EDA: variants seen among roughly 807,000 people sequenced by gnomAD.
EDA encodes the protein ectodysplasin-A.
EDA carries 2 observed loss-of-function variants against 23.6 expected under a neutral mutation model. The observed-to-expected ratio is 0.08, with a 90% CI of 0.03 to 0.27. The LOEUF (loss-of-function observed/expected upper bound fraction) is 0.27. EDA is among the 10% of genes least tolerant of loss of function. EDA has a pLI of 1.00. For synonymous variants in EDA, 131 were observed against 132.0 expected (o/e 0.99, Z 0.05); for missense variants, 229 against 324.2 (o/e 0.71, Z 2.26).
intron 3 of EDA, among the ~76,000 whole-genome samples, chrX:70,023,581 T>C (rs112736374): frequency 0.17 from 17,345 of 103,373 alleles, 1,568 homozygotes; most frequent in Middle Eastern, 0.32. Context: ...CCTCCACCTT[T>C]GGGGTTCAAG....
chrX:69,808,829 G>A (rs2015874474), intron 1 of EDA, among the ~76,000 whole-genome samples: 1 of 112,068 alleles, frequency 8.9e-6, no homozygotes, highest in African/African-American at 3.2e-5. Flanking sequence ...ATTGAGTGGA[G>A]TCAATATTAT....
chrX:69,929,762 A>C (rs1334933669), intron 1 of EDA, among the ~76,000 whole-genome samples: 6 of 97,820 alleles, frequency 6.1e-5, no homozygotes, highest in Admixed American at 1.2e-4. Flanking sequence ...GTGATGTATA[A>C]TGCAAAATTC....
chrX:69,863,042 G>A (rs753625410), intron 1 of EDA, among the ~76,000 whole-genome samples: 3 of 92,994 alleles, frequency 3.2e-5, no homozygotes, highest in Non-Finnish European at 4.2e-5. Flanking sequence ...TTTATTTTCT[G>A]AAAAAAAAAA....
intron 1 of EDA, among the ~76,000 whole-genome samples, chrX:69,661,301 C>G (rs1225945581): frequency 6.4e-5 from 6 of 93,606 alleles, no homozygotes; most frequent in East Asian, 3.5e-4. Context: ...TAGGTTGCCT[C>G]TTCACTCTGA....
chrX:70,025,458 G>A (rs2020094915), intron 3 of EDA, among the ~76,000 whole-genome samples: 1 of 111,134 alleles, frequency 9.0e-6, no homozygotes, highest in Non-Finnish European at 1.9e-5. Flanking sequence ...ACTGCAAGGG[G>A]TAAGCCACCC....
Position 69,976,352 on chromosome X carries a change from T to C in EDA, c.502+19220T>C, listed in dbSNP as rs146728853. On this transcript the variant is annotated intron_variant, in intron 2 of 7. Coordinates refer to ENST00000374552, the MANE Select transcript of EDA (RefSeq NM_001399.5). ...ACGGAAGATCATGGCTCAATGTTTG[T>C]GCCAAGCAGAGAACTAAAGTAGTGG... 8.1e-3 allele frequency among the ~76,000 whole-genome samples: 902 copies of C among 111,452 alleles called. 8 individuals carry two copies. Among genetic ancestry groups the C allele is most frequent in the African/African-American group, 0.028 (866 of 30,681 alleles).
At chrX:69,664,977 T>C (rs895731750) in intron 1 of EDA, among the ~76,000 whole-genome samples, 1 of 112,131 alleles carries the variant, frequency 8.9e-6, no homozygotes, top group African/African-American at 3.2e-5. Context: ...AACATTGTTA[T>C]CTTTTGACTT....
intron 1 of EDA, among the ~76,000 whole-genome samples, chrX:69,883,786 A>G (rs1405606665): frequency 1.8e-5 from 2 of 111,698 alleles, no homozygotes; most frequent in African/African-American, 3.3e-5. Flanking sequence ...TTGATCAACT[A>G]AGTAGTCTTA....
At chrX:69,981,177 T>G (rs755195020) in intron 2 of EDA, among the ~76,000 whole-genome samples, 1 of 111,639 alleles carries the variant, frequency 9.0e-6, no homozygotes, top group Non-Finnish European at 1.9e-5. Context: ...TCATCTCTCT[T>G]TACCGCTAGA....
intron 1 of EDA, among the ~76,000 whole-genome samples, chrX:69,630,467 T>C (rs1602233983): frequency 8.9e-6 from 1 of 111,848 alleles, no homozygotes; most frequent in African/African-American, 3.2e-5. Context: ...ATCTTTCTTA[T>C]CCTGGAGGTT....
At chrX:69,705,288 C>G (rs2011674468) in intron 1 of EDA, among the ~76,000 whole-genome samples, 1 of 109,985 alleles carries the variant, frequency 9.1e-6, no homozygotes, top group African/African-American at 3.3e-5. Context: ...TTTCTGAGTT[C>G]CCCCTCCATC....
chrX:69,886,683 C>T (rs1459028983), intron 1 of EDA, among the ~76,000 whole-genome samples: 1 of 110,506 alleles, frequency 9.0e-6, no homozygotes, highest in Non-Finnish European at 1.9e-5. Flanking sequence ...AACCAACATC[C>T]TAGAGACAGT....
chrX:69,706,085 A>G (rs1235858393), intron 1 of EDA, among the ~76,000 whole-genome samples: 1 of 112,284 alleles, frequency 8.9e-6, no homozygotes, highest in East Asian at 2.8e-4. Flanking sequence ...AGCCTTATAA[A>G]TGGAGATTTC....
chrX:69,854,721 G>A (rs1167007191), intron 1 of EDA, among the ~76,000 whole-genome samples: 1 of 112,127 alleles, frequency 8.9e-6, no homozygotes, highest in East Asian at 2.8e-4. Flanking sequence ...TGGACATTTA[G>A]ATTGGGTCCA....
intron 7 of EDA, among the ~76,000 whole-genome samples, chrX:70,034,611 G>T (rs1271004956): frequency 8.9e-6 from 1 of 111,783 alleles, no homozygotes; most frequent in Non-Finnish European, 1.9e-5. Context: ...CTGAGCCTAG[G>T]AGAGAATTGA....
At chrX:69,877,403 C>T (rs1241483539) in intron 1 of EDA, among the ~76,000 whole-genome samples, 1 of 112,288 alleles carries the variant, frequency 8.9e-6, no homozygotes, top group Non-Finnish European at 1.9e-5. Context: ...TTATCTCAGA[C>T]ATCCTAATAA....
chrX:69,705,377 G>T (rs149500273), intron 1 of EDA, among the ~76,000 whole-genome samples: 6 of 111,311 alleles, frequency 5.4e-5, no homozygotes, highest in South Asian at 7.6e-4. Context: ...AAGAGAGAAG[G>T]CCAGAAGTCC....
chrX:69,804,597 T>C (rs769257572), intron 1 of EDA, among the ~76,000 whole-genome samples: 1 of 110,169 alleles, frequency 9.1e-6, no homozygotes, highest in South Asian at 3.8e-4. Context: ...TGAGGTTTGT[T>C]AGATACTAGA....
chrX:69,753,457 T>G (rs1245637596), intron 1 of EDA, among the ~76,000 whole-genome samples: 2 of 112,086 alleles, frequency 1.8e-5, no homozygotes, highest in African/African-American at 6.5e-5. Context: ...TGTTATAATT[T>G]CTGTTCTTTT....
Sources: gnomAD v4.1 joint callset for allele counts (sites outside exome capture counted in the v4.1 genomes callset) on GRCh38, gnomAD v4.1.1 for gene constraint, MANE v1.5 for transcripts, NCBI Gene and HGNC (gene_info 2026-07-23, HGNC 2026-07-21) for gene names.